ANKFN1: variants seen among roughly 807,000 people sequenced by gnomAD.
The protein encoded by ANKFN1 is ankyrin repeat and fibronectin type III domain containing 1, also known as ankyrin repeat and fibronectin type-III domain-containing protein 1.
A neutral mutation model predicts 108.7 loss-of-function variants in ANKFN1; 74 were observed. The observed-to-expected ratio is 0.68, with a 90% CI of 0.56 to 0.83. The LOEUF is 0.83. ANKFN1 is among the 40% of genes least tolerant of loss of function. The pLI is 0.00. For missense variants in ANKFN1, 1,505 were observed against 1,382.3 expected, an observed-to-expected ratio of 1.09 and a Z score of -1.41; for synonymous variants, 547 against 516.2, an observed-to-expected ratio of 1.06 and a Z score of -0.81.
chr17:56,401,488 C>G (rs1370037941), intron 8 of ANKFN1, among the ~76,000 whole-genome samples: 1 of 151,874 alleles, frequency 6.6e-6, no homozygotes, highest in Non-Finnish European at 1.5e-5. Context: ...ATCTGCTTGG[C>G]TGCTGTTGGT....
At chr17:56,224,212 T>C (rs1916083898) in intron 2 of ANKFN1, among the ~76,000 whole-genome samples, 2 of 152,260 alleles carry the variant, frequency 1.3e-5, no homozygotes, top group South Asian at 4.1e-4. Context: ...GTCTGATCAC[T>C]GGCATATTCT....
chr17:56,412,569 C>A (rs535827695), intron 8 of ANKFN1, among the ~76,000 whole-genome samples: 1 of 152,342 alleles, frequency 6.6e-6, no homozygotes, highest in South Asian at 2.1e-4. Flanking sequence ...ACTGGACTGG[C>A]TGATCTTCTG....
intron 4 of ANKFN1, among the ~76,000 whole-genome samples, chr17:56,119,531 G>T (rs1285017217): frequency 6.6e-6 from 1 of 152,048 alleles, no homozygotes; most frequent in Non-Finnish European, 1.5e-5. Flanking sequence ...TTAAAAGCTT[G>T]GTAGAGAAGA....
rs1357717596 is a variant in ANKFN1, at chr17:56,512,958, A to G, written c.*1689A>G. Among the ~76,000 whole-genome samples the G allele has an allele frequency of 1.3e-5, 2 of 152,140 alleles. No homozygotes were observed. Among genetic ancestry groups the G allele is most frequent in the African/African-American group, 4.8e-5 (2 of 41,432 alleles). Reference sequence around the variant, plus strand: ...CTACAGCTCCTTTTTCATGACTGGGAGGATTTTAAAATGCAATTTTCTTCT... The same window carrying G: ...CTACAGCTCCTTTTTCATGACTGGGGGGATTTTAAAATGCAATTTTCTTCT... On this transcript the variant is annotated 3_prime_UTR_variant, in exon 21 of 21. Transcript: ENST00000682825.
intron 1 of ANKFN1, among the ~76,000 whole-genome samples, chr17:56,179,143 A>C (rs1009340308): frequency 6.6e-5 from 10 of 152,198 alleles, no homozygotes; most frequent in African/African-American, 2.4e-4. Flanking sequence ...AATCCATACC[A>C]ACTTTATTTT....
At chr17:56,277,779 C>G (rs1292207749) in intron 3 of ANKFN1, among the ~76,000 whole-genome samples, 1 of 152,152 alleles carries the variant, frequency 6.6e-6, no homozygotes, top group Non-Finnish European at 1.5e-5. Context: ...CCAAATTGTA[C>G]ACTCAAAGAG....
At chr17:56,305,297 A>C (rs1453474451) in intron 3 of ANKFN1, among the ~76,000 whole-genome samples, 2 of 152,234 alleles carry the variant, frequency 1.3e-5, no homozygotes, top group African/African-American at 4.8e-5. Flanking sequence ...ACTACAATTC[A>C]AGATGAAATT....
intron 1 of ANKFN1, among the ~76,000 whole-genome samples, chr17:56,163,833 A>G (rs2143518973): frequency 6.6e-6 from 1 of 152,330 alleles, no homozygotes; most frequent in South Asian, 2.1e-4. Context: ...CACAAGCTAC[A>G]TGACTGAAGG....
At chr17:56,251,014 T>C (rs1265987544) in intron 3 of ANKFN1, among the ~76,000 whole-genome samples, 1 of 152,188 alleles carries the variant, frequency 6.6e-6, no homozygotes, top group African/African-American at 2.4e-5. Flanking sequence ...AGTCAGTATT[T>C]CTTTAACTGG....
intron 4 of ANKFN1, among the ~76,000 whole-genome samples, chr17:56,061,462 A>C (rs1250517699): frequency 6.6e-6 from 1 of 151,266 alleles, no homozygotes; most frequent in Admixed American, 6.6e-5. Flanking sequence ...TAGTAGAGAC[A>C]GTGTTTCTCC....
Position 56,466,457 on chromosome 17 carries a change from T to C in ANKFN1, c.1659T>C (p.Leu553=). ...LIVTIREVEM[L]YSFFNGKWMQ... The stretch of plus-strand genomic sequence containing the variant: ...TCACCATCAGGGAGGTGGAGATGCT[T>C]TATTCATTTTTTAATGGCAAATGGA... The change falls in exon 15 of 21, where the codon CTT becomes CTC. Residue 553 remains leucine (L), a synonymous_variant. Transcript: ENST00000682825. 1.2e-6 allele frequency: 2 copies of C among 1,614,110 alleles called. No homozygotes were observed. The highest frequency in any genetic ancestry group is 1.7e-6 in the Non-Finnish European group (2 of 1,180,004).
intron 4 of ANKFN1, among the ~76,000 whole-genome samples, chr17:56,106,210 C>T (rs1207617498): frequency 2.0e-5 from 3 of 152,146 alleles, no homozygotes; most frequent in Non-Finnish European, 4.4e-5. Context: ...ACAGCCAGGA[C>T]TCCAACCAGG....
chr17:56,426,098 G>A (rs1004038152), intron 8 of ANKFN1, among the ~76,000 whole-genome samples: 1 of 152,178 alleles, frequency 6.6e-6, no homozygotes, highest in Non-Finnish European at 1.5e-5. Flanking sequence ...TTATTTGGAA[G>A]CTATTATGTA....
rs1424150720 is a variant in ANKFN1 at position 56,511,090 on chromosome 17, C to T, written c.3262C>T (p.Arg1088Cys). Residue 1088 changes from arginine (R) to cysteine (C), a missense_variant, in exon 21 of 21, where the codon CGC becomes TGC. Transcript: ENST00000682825. ...TCTCCAGGACGCGAGGCCTTCCGTC[C>T]GCCGCCTCTACGTGGAGCCCTACGC... ...SSLQDARPSVRRLYVEPYAAA... is the reference protein window; with the variant it reads ...SSLQDARPSVCRLYVEPYAAA... 5 of 1,535,976 alleles carry T rather than the reference C, an allele frequency of 3.3e-6. No homozygotes were observed. The highest frequency in any genetic ancestry group is 4.4e-6 in the Non-Finnish European group (5 of 1,146,848).
In ANKFN1 at chr17:56,480,669, G is replaced by C. The variant is rs1343816247; in HGVS notation, c.1942G>C (p.Glu648Gln). 2.5e-6 allele frequency: 4 copies of C among 1,613,646 alleles called. No individual in the cohort carries two copies. Among genetic ancestry groups the C allele is most frequent in the Non-Finnish European group, 8.5e-7 (1 of 1,179,752 alleles). The change falls in exon 17 of 21, where the codon GAG (glutamate) becomes CAG (glutamine). Residue 648 changes from glutamate (E) to glutamine (Q), a missense_variant and splice_region_variant. Coordinates refer to ENST00000682825, the MANE Select transcript of ANKFN1 (RefSeq NM_001370326.1). ...KIRENNNISR[E>Q]EWEWIQKLSG... is the part of the protein sequence containing the mutation. The stretch of plus-strand genomic sequence containing the variant: ...ATTTTAACTTGACTCAACATACAGA[G>C]AGGAATGGGAATGGATCCAAAAGCT...
chr17:56,056,268 C>T (rs1046297040), intron 4 of ANKFN1, among the ~76,000 whole-genome samples: 1 of 150,990 alleles, frequency 6.6e-6, no homozygotes. Flanking sequence ...TACAGATTAA[C>T]ACAATCTTTG....
intron 3 of ANKFN1, among the ~76,000 whole-genome samples, chr17:56,275,275 T>G (rs1451310954): frequency 1.3e-5 from 2 of 151,866 alleles, no homozygotes; most frequent in African/African-American, 4.8e-5. Context: ...GAGTATCTGC[T>G]GATTACCAAG....
At chr17:56,416,691 G>A (rs113999235) in intron 8 of ANKFN1, among the ~76,000 whole-genome samples, 1,647 of 152,232 alleles carry the variant, frequency 0.011, 26 homozygotes, top group African/African-American at 0.038. Flanking sequence ...ACAGCCCGGC[G>A]ATCCCGCTGC....
At position 56,512,284 on chromosome 17, in the gene ANKFN1, C is replaced by T. The variant is rs572894064; in HGVS notation, c.*1015C>T. The stretch of plus-strand genomic sequence containing the variant: ...CGGTCAGTCAGCAATGGGCTCCTCA[C>T]AACCCCACAGGCTTATCCACTCACC... On this transcript the variant is annotated 3_prime_UTR_variant, in exon 21 of 21. Transcript: ENST00000682825. Among the ~76,000 whole-genome samples, 1 of 152,270 alleles carries T rather than the reference C, an allele frequency of 6.6e-6. No individual in the cohort carries two copies. Among genetic ancestry groups the T allele is most frequent in the East Asian group, 1.9e-4 (1 of 5,186 alleles).
Sources: gnomAD v4.1 joint callset for allele counts (sites outside exome capture counted in the v4.1 genomes callset) on GRCh38, gnomAD v4.1.1 for gene constraint, MANE v1.5 for transcripts, NCBI Gene and HGNC (gene_info 2026-07-23, HGNC 2026-07-21) for gene names.